Variants in MNAT1 observed in about 807,000 individuals in gnomAD.
MNAT1 encodes CDK-activating kinase assembly factor MAT1.
In MNAT1, 43 loss-of-function variants were observed where a neutral mutation model predicts 42.0. The ratio of observed to expected loss-of-function variants is 1.02; its 90% CI spans 0.80 to 1.32. The LOEUF (loss-of-function observed/expected upper bound fraction) is 1.32, where lower values mean the gene tolerates loss of function less well. Among genes scored for constraint, MNAT1 ranks in the 40% most tolerant of loss-of-function variants. MNAT1 has a pLI of 0.00. For missense variants in MNAT1, 306 were observed against 350.4 expected (o/e 0.87, Z 1.01); for synonymous variants, 118 against 120.0 (o/e 0.98, Z 0.11).
chr14:60,767,244 T>A (rs1432739858), intron 1 of MNAT1, among the ~76,000 whole-genome samples: 2 of 152,234 alleles, frequency 1.3e-5, no homozygotes, highest in East Asian at 3.8e-4. Flanking sequence ...GAAACCCTTG[T>A]GCTTTGTAGA....
At chr14:60,854,400 C>T (rs2033903704) in intron 6 of MNAT1, among the ~76,000 whole-genome samples, 1 of 152,192 alleles carries the variant, frequency 6.6e-6, no homozygotes, top group Non-Finnish European at 1.5e-5. Context: ...TTGGAATTTT[C>T]AGCATTTTTA....
chr14:60,928,172 T>C (rs2035803961), intron 7 of MNAT1, among the ~76,000 whole-genome samples: 2 of 152,250 alleles, frequency 1.3e-5, no homozygotes, highest in Admixed American at 6.5e-5. Flanking sequence ...GAGGTTCATA[T>C]TGTAGTATAT....
At chr14:60,791,030 A>AT (rs2031800035) in intron 1 of MNAT1, among the ~76,000 whole-genome samples, 1 of 152,070 alleles carries the variant, frequency 6.6e-6, no homozygotes, top group East Asian at 1.9e-4. Flanking sequence ...ATACAAACCC[A>AT]TTTTTTTGAA....
chr14:60,812,283 T>C (rs974325396), intron 5 of MNAT1, among the ~76,000 whole-genome samples, 156 bp downstream of exon 5: 2 of 152,198 alleles, frequency 1.3e-5, no homozygotes, highest in Non-Finnish European at 2.9e-5. Context: ...AGTGTATTTA[T>C]TGCTGAATAA....
At chr14:60,767,474 T>C (rs900283068) in intron 1 of MNAT1, among the ~76,000 whole-genome samples, 4 of 152,200 alleles carry the variant, frequency 2.6e-5, no homozygotes, top group African/African-American at 9.7e-5. Flanking sequence ...TTAAGATACA[T>C]AGAGGATGGC....
chr14:60,959,442 C>A (rs1475581198), intron 7 of MNAT1, among the ~76,000 whole-genome samples: 2 of 152,182 alleles, frequency 1.3e-5, no homozygotes, highest in African/African-American at 4.8e-5. Flanking sequence ...TGGGGTATAA[C>A]TAATGCTGGT....
chr14:60,746,761 CTTAG>C (rs981054926), intron 1 of MNAT1, among the ~76,000 whole-genome samples: 14 of 149,822 alleles, frequency 9.3e-5, no homozygotes, highest in Non-Finnish European at 1.3e-4. Context: ...TGCTAATATA[CTTAG>C]TTACTTACTG....
At chr14:60,739,534 C>T (rs950513076) in intron 1 of MNAT1, among the ~76,000 whole-genome samples, 1 of 151,838 alleles carries the variant, frequency 6.6e-6, no homozygotes, top group African/African-American at 2.4e-5. Flanking sequence ...AATACAGGAG[C>T]AGAGAGGAGA....
At chr14:60,841,244 C>G (rs559473462) in intron 6 of MNAT1, among the ~76,000 whole-genome samples, 1 of 151,798 alleles carries the variant, frequency 6.6e-6, no homozygotes, top group Non-Finnish European at 1.5e-5. Flanking sequence ...CTCTGTCTCT[C>G]CTTTGTCTAT....
At chr14:60,860,720 C>A (rs1211852442) in intron 6 of MNAT1, among the ~76,000 whole-genome samples, 1 of 151,956 alleles carries the variant, frequency 6.6e-6, no homozygotes, top group African/African-American at 2.4e-5. Flanking sequence ...ACTCTAAAGC[C>A]CCATGCTTTT....
intron 6 of MNAT1, among the ~76,000 whole-genome samples, chr14:60,843,333 C>T (rs558028986): frequency 1.1e-4 from 17 of 152,152 alleles, no homozygotes; most frequent in East Asian, 5.8e-4. Context: ...TACAGTGGCG[C>T]GACCTCAGCT....
At chr14:60,825,896 T>C (rs2033039976) in intron 6 of MNAT1, among the ~76,000 whole-genome samples, 1 of 152,092 alleles carries the variant, frequency 6.6e-6, no homozygotes, top group Non-Finnish European at 1.5e-5. Context: ...AAACACAAAA[T>C]GAAGTCGGAT....
At chr14:60,755,217 C>G (rs976316541) in intron 1 of MNAT1, among the ~76,000 whole-genome samples, 1 of 151,972 alleles carries the variant, frequency 6.6e-6, no homozygotes, top group Non-Finnish European at 1.5e-5. Flanking sequence ...GATCTCAGCT[C>G]ACTGCAACCT....
chr14:60,909,361 C>A (rs2035291216), intron 7 of MNAT1, among the ~76,000 whole-genome samples: 1 of 152,010 alleles, frequency 6.6e-6, no homozygotes, highest in Admixed American at 6.5e-5. Context: ...GCTTTTGTTG[C>A]CATTTTTTTT....
chr14:60,738,181 T>G (rs764306242), intron 1 of MNAT1, among the ~76,000 whole-genome samples: 5 of 151,866 alleles, frequency 3.3e-5, no homozygotes, highest in Non-Finnish European at 7.4e-5. Context: ...TATTATTTTT[T>G]AAAATCTTGC....
At chr14:60,830,805 T>G (rs2033191616) in intron 6 of MNAT1, among the ~76,000 whole-genome samples, 1 of 152,120 alleles carries the variant, frequency 6.6e-6, no homozygotes, top group African/African-American at 2.4e-5. Flanking sequence ...TGCCTTTTTT[T>G]TTTTTTAAAT....
At chr14:60,796,554 G>T (rs1011039536) in intron 2 of MNAT1, among the ~76,000 whole-genome samples, 185 bp downstream of exon 2, 1 of 152,202 alleles carries the variant, frequency 6.6e-6, no homozygotes, top group Middle Eastern at 3.4e-3. Context: ...TTGATTGATG[G>T]CTTCATTATT....
rs547888090 is a variant in MNAT1 at position 60,751,233 on chromosome 14, A to C, written c.89+16282A>C. 5.9e-5 allele frequency among the ~76,000 whole-genome samples: 9 copies of C among 152,258 alleles called. No homozygotes were observed. The East Asian group carries it at 1.5e-3, about 26-fold the overall frequency. On this transcript the variant is annotated intron_variant, in intron 1 of 7. Coordinates refer to ENST00000261245, the MANE Select transcript of MNAT1 (RefSeq NM_002431.4). ...AAATTAAATTTCAAAATTAATTTTC[A>C]ATTACATTTTGATTACCTGTTGACT... is the stretch of plus-strand genomic sequence containing the variant.
At chr14:60,857,366 T>C (rs1178636958) in intron 6 of MNAT1, among the ~76,000 whole-genome samples, 1 of 151,932 alleles carries the variant, frequency 6.6e-6, no homozygotes, top group Non-Finnish European at 1.5e-5. Flanking sequence ...ATAAGAGAAC[T>C]AGAATTAGCA....
Sources: allele counts gnomAD v4.1 joint callset (sites outside exome capture counted in the v4.1 genomes callset), GRCh38; gene constraint gnomAD v4.1.1; transcripts MANE v1.5; gene names NCBI Gene and HGNC (gene_info 2026-07-23, HGNC 2026-07-21).